The following LARGE1 variants were observed in gnomAD, a reference collection of about 807,000 sequenced individuals.
LARGE1 encodes the protein xylosyl- and glucuronyltransferase LARGE1.
Under a neutral mutation model 87.6 loss-of-function variants are expected in LARGE1, and 43 were observed. That is an observed-to-expected ratio of 0.49 (90% CI 0.38 to 0.63). LARGE1 has a LOEUF of 0.63. Among genes scored for constraint, LARGE1 ranks in the 30% least tolerant of loss-of-function variants. The probability of loss-of-function intolerance (pLI) is 0.00; values close to 1 mark genes in which losing one functional copy is unlikely to be tolerated. For synonymous variants in LARGE1, 434 were observed against 394.6 expected (o/e 1.10, Z -1.18); for missense variants, 802 against 1,000.2 (o/e 0.80, Z 2.67).
At chr22:33,693,386 A>G (rs2082151188) in intron 2 of LARGE1, among the ~76,000 whole-genome samples, 1 of 150,682 alleles carries the variant, frequency 6.6e-6, no homozygotes, top group Non-Finnish European at 1.5e-5. Flanking sequence ...CTGTAACCTT[A>G]AAGCAACTGA....
chr22:33,295,214 C>T (rs150537456), intron 12 of LARGE1, among the ~76,000 whole-genome samples: 71 of 152,260 alleles, frequency 4.7e-4, no homozygotes, highest in Middle Eastern at 3.4e-3. Context: ...GATGCACCAT[C>T]ATTTTCTTAT....
chr22:33,534,297 G>A (rs980813141), intron 6 of LARGE1, among the ~76,000 whole-genome samples: 7 of 152,096 alleles, frequency 4.6e-5, no homozygotes, highest in South Asian at 2.1e-4. Flanking sequence ...CCAGCTACTC[G>A]GGAGGCTGAG....
intron 6 of LARGE1, among the ~76,000 whole-genome samples, chr22:33,495,118 C>A (rs1025659341): frequency 6.6e-6 from 1 of 151,862 alleles, no homozygotes; most frequent in African/African-American, 2.4e-5. Flanking sequence ...CCCCACCCCC[C>A]GGACACACAG....
At chr22:33,796,889 C>T (rs1007929540) in intron 1 of LARGE1, among the ~76,000 whole-genome samples, 2 of 151,626 alleles carry the variant, frequency 1.3e-5, no homozygotes, top group Admixed American at 6.6e-5. Context: ...CCTAGCCTCC[C>T]GAGTAGCTGG....
At chr22:33,319,652 T>C (rs1388559619) in intron 10 of LARGE1, among the ~76,000 whole-genome samples, 1 of 152,096 alleles carries the variant, frequency 6.6e-6, no homozygotes, top group African/African-American at 2.4e-5. Flanking sequence ...CACCGAACCC[T>C]CCCAAAGTGT....
chr22:33,840,506 C>G (rs770044453), intron 1 of LARGE1, among the ~76,000 whole-genome samples: 1 of 151,996 alleles, frequency 6.6e-6, no homozygotes, highest in African/African-American at 2.4e-5. Context: ...CTCACACAGT[C>G]AAAATTTGGT....
chr22:33,394,112 G>A (rs2065634559), intron 7 of LARGE1, among the ~76,000 whole-genome samples: 2 of 149,624 alleles, frequency 1.3e-5, no homozygotes. Context: ...AAGCTAAACA[G>A]GGTGACAATG....
chr22:33,811,334 G>C (rs2086487662), intron 1 of LARGE1, among the ~76,000 whole-genome samples: 1 of 152,178 alleles, frequency 6.6e-6, no homozygotes, highest in Non-Finnish European at 1.5e-5. Flanking sequence ...ATTTAGCAGA[G>C]CAAGTAAAGA....
At chr22:33,814,736 G>T (rs1219458517) in intron 1 of LARGE1, among the ~76,000 whole-genome samples, 1 of 152,070 alleles carries the variant, frequency 6.6e-6, no homozygotes, top group Non-Finnish European at 1.5e-5. Flanking sequence ...GTGTGTGTGT[G>T]TGTGTGTGTG....
At chr22:33,830,787 C>G (rs1037439710) in intron 1 of LARGE1, among the ~76,000 whole-genome samples, 7 of 152,324 alleles carry the variant, frequency 4.6e-5, no homozygotes, top group Admixed American at 6.5e-5. Context: ...GATCAGGAAG[C>G]AGCAGATTCA....
At chr22:33,199,992 G>T (rs1421025669) in intron 11 of LARGE1, among the ~76,000 whole-genome samples, 1 of 151,970 alleles carries the variant, frequency 6.6e-6, no homozygotes, top group Non-Finnish European at 1.5e-5. Context: ...GGGATTACAG[G>T]CACCTGCCAC....
intron 2 of LARGE1, among the ~76,000 whole-genome samples, chr22:33,715,515 A>G (rs986496950): frequency 2.6e-5 from 4 of 152,102 alleles, no homozygotes; most frequent in Non-Finnish European, 5.9e-5. Flanking sequence ...TAAACTGCAA[A>G]ACAAACATTC....
intron 12 of LARGE1, among the ~76,000 whole-genome samples, chr22:33,293,235 C>T (rs1188082769): frequency 6.6e-6 from 1 of 152,208 alleles, no homozygotes; most frequent in Non-Finnish European, 1.5e-5. Flanking sequence ...GCCTGGTATA[C>T]TGTAGGTGGT....
At chr22:33,824,293 A>T (rs1477654788) in intron 1 of LARGE1, among the ~76,000 whole-genome samples, 1 of 152,230 alleles carries the variant, frequency 6.6e-6, no homozygotes, top group East Asian at 1.9e-4. Flanking sequence ...CTGTACAGGA[A>T]GCATGGCTGG....
chr22:33,719,477 A>G (rs905578298), intron 2 of LARGE1, among the ~76,000 whole-genome samples: 1 of 151,458 alleles, frequency 6.6e-6, no homozygotes, highest in African/African-American at 2.4e-5. Context: ...AGTGCCCTAT[A>G]CAGGTATGCC....
intron 11 of LARGE1, among the ~76,000 whole-genome samples, chr22:33,249,370 C>CATTTACT (rs1926913288): frequency 6.6e-6 from 1 of 152,166 alleles, no homozygotes; most frequent in Non-Finnish European, 1.5e-5. Context: ...GTCTTTGGCA[C>CATTTACT]ATTTACTAAG....
chr22:33,266,291 G>A (rs374698215), intron 11 of LARGE1, among the ~76,000 whole-genome samples: 6 of 136,998 alleles, frequency 4.4e-5, no homozygotes, highest in South Asian at 2.2e-4. Context: ...GTGCTATCTC[G>A]GCTCACTGCA....
At position 33,799,310 on chromosome 22, in the gene LARGE1, T is replaced by C. The variant is rs903606032; in HGVS notation, c.-82-37752A>G. Among the ~76,000 whole-genome samples the C allele has an allele frequency of 1.5e-4, 23 of 152,262 alleles. 1 individual carries two copies. The highest frequency in any genetic ancestry group is 1.2e-3 in the Admixed American group (18 of 15,288). On this transcript the variant is annotated intron_variant, in intron 1 of 14. Coordinates refer to ENST00000397394, the MANE Select transcript of LARGE1 (RefSeq NM_133642.5). ...TGTTTGATCAGTTAAGCAGCATTTC[T>C]GGAGCCGGGCTATGACCAGGCACTG...
chr22:33,446,030 G>A (rs2067675140), intron 6 of LARGE1, among the ~76,000 whole-genome samples: 1 of 152,190 alleles, frequency 6.6e-6, no homozygotes, highest in Admixed American at 6.5e-5. Context: ...CAGAATTAGA[G>A]GGTTGGATCT....
Sources: gnomAD v4.1 joint callset for allele counts (sites outside exome capture counted in the v4.1 genomes callset) on GRCh38, gnomAD v4.1.1 for gene constraint, MANE v1.5 for transcripts, NCBI Gene and HGNC (gene_info 2026-07-23, HGNC 2026-07-21) for gene names.